Variants in ATF7 observed in about 807,000 individuals in gnomAD.
The protein encoded by ATF7 is cyclic AMP-dependent transcription factor ATF-7.
A neutral mutation model predicts 50.4 loss-of-function variants in ATF7; 10 were observed. That is an observed-to-expected ratio of 0.20 (90% confidence interval 0.12 to 0.34). The LOEUF (loss-of-function observed/expected upper bound fraction) is 0.34, where lower values mean the gene tolerates loss of function less well. ATF7 is among the 10% of genes least tolerant of loss of function. The probability of loss-of-function intolerance (pLI) is 1.00; values close to 1 mark genes in which losing one functional copy is unlikely to be tolerated. For synonymous variants in ATF7, 201 were observed against 226.4 expected, an observed-to-expected ratio of 0.89 and a Z score of 1.01; for missense variants, 465 against 613.9, an observed-to-expected ratio of 0.76 and a Z score of 2.56.
At chr12:53,625,935 C>A (rs1944587288) in intron 1 of ATF7, 1 of 152,344 alleles carries the variant, frequency 6.6e-6, no homozygotes, top group Non-Finnish European at 1.5e-5. Flanking sequence ...GCCCTGTGCC[C>A]CCCGGGGCTA....
At chr12:53,517,753 A>ATGTG in intron 11 of ATF7, 1 of 189,720 alleles carries the variant, frequency 5.3e-6, no homozygotes, top group Non-Finnish European at 1.1e-5. Flanking sequence ...GATTATAGGC[A>ATGTG]TGAGCCACTG....
At chr12:53,605,070 A>G (rs745844561) in intron 1 of ATF7, among the ~76,000 whole-genome samples, 12 of 152,188 alleles carry the variant, frequency 7.9e-5, no homozygotes, top group Non-Finnish European at 1.6e-4. Flanking sequence ...ATTATAAAAA[A>G]GAGGAGTTAA....
At chr12:53,559,010 A>G (rs1352652188) in intron 2 of ATF7, among the ~76,000 whole-genome samples, 1 of 151,992 alleles carries the variant, frequency 6.6e-6, no homozygotes, top group African/African-American at 2.4e-5. Flanking sequence ...GGCTGGGCGC[A>G]GTGGCTCACA....
At chr12:53,579,135 T>G (rs914137840) in intron 2 of ATF7, among the ~76,000 whole-genome samples, 1 of 151,942 alleles carries the variant, frequency 6.6e-6, no homozygotes, top group South Asian at 2.1e-4. Flanking sequence ...TCCCTGCTAC[T>G]TGGGAGGCTG....
intron 4 of ATF7, among the ~76,000 whole-genome samples, chr12:53,541,030 C>T (rs1423685896): frequency 6.6e-6 from 1 of 152,146 alleles, no homozygotes; most frequent in African/African-American, 2.4e-5. Flanking sequence ...AGGCCTCGCG[C>T]AGCCCTCTTT....
chr12:53,521,252 A>G (rs1938109715), intron 11 of ATF7, among the ~76,000 whole-genome samples: 3 of 152,200 alleles, frequency 2.0e-5, no homozygotes, highest in Admixed American at 6.5e-5. Context: ...TTGGCCTCCC[A>G]AAGTGCTGGG....
intron 7 of ATF7, 52 bp downstream of exon 7, chr12:53,533,108 A>AG: frequency 2.0e-6 from 3 of 1,464,656 alleles, no homozygotes. Context: ...TTCAGGTGGA[A>AG]GGGAAGGATT....
intron 2 of ATF7, among the ~76,000 whole-genome samples, chr12:53,587,859 C>CT (rs1942787795): frequency 1.8e-5 from 1 of 55,984 alleles, no homozygotes; most frequent in Admixed American, 1.9e-4. Flanking sequence ...TTTTTTTTTT[C>CT]TTTTTGACAC....
Position 53,579,506 on chromosome 12 carries a change from C to T in ATF7, c.48+21447G>A, listed in dbSNP as rs569199564. Among the ~76,000 whole-genome samples, 65 of 143,660 alleles carry T rather than the reference C, an allele frequency of 4.5e-4. 1 individual carries two copies. The highest frequency in any genetic ancestry group is 1.6e-3 in the African/African-American group (61 of 38,178). The allele number at this position is 143,660 out of a possible 152,430, so 94.2% of individuals were successfully genotyped here. On this transcript the variant is annotated intron_variant, in intron 2 of 11. Coordinates refer to ENST00000420353, the MANE Select transcript of ATF7 (RefSeq NM_006856.3). ...GGCAGAGGCTGCTGTGAGCTGAGAT[C>T]GTGCCACTGCACTCCACCCTGGGAG...
intron 2 of ATF7, among the ~76,000 whole-genome samples, chr12:53,562,514 G>A (rs1190489742): frequency 5.9e-5 from 9 of 151,970 alleles, no homozygotes; most frequent in African/African-American, 2.2e-4. Context: ...GTGGTGGTAC[G>A]CACCTGTAAT....
chr12:53,532,691 C>G (rs952205420), intron 7 of ATF7, 68 bp from the exon 8 acceptor site: 8 of 1,218,640 alleles, frequency 6.6e-6, no homozygotes, highest in South Asian at 1.4e-5. Flanking sequence ...GCAACAGTTT[C>G]CCTAAAATGA....
At chr12:53,518,116 TG>T (rs1937843441) in intron 11 of ATF7, among the ~76,000 whole-genome samples, 1 of 152,204 alleles carries the variant, frequency 6.6e-6, no homozygotes, top group African/African-American at 2.4e-5. Flanking sequence ...TGGCCTGCCT[TG>T]GCCTCCCAAA....
intron 3 of ATF7, among the ~76,000 whole-genome samples, chr12:53,545,588 G>A (rs1452486009): frequency 2.0e-5 from 3 of 152,038 alleles, no homozygotes; most frequent in African/African-American, 2.4e-5. Flanking sequence ...TGCTCTCCTC[G>A]GCCTCCCAAA....
intron 2 of ATF7, among the ~76,000 whole-genome samples, chr12:53,570,722 T>G (rs971005120): frequency 7.3e-6 from 1 of 137,840 alleles, no homozygotes; most frequent in African/African-American, 2.7e-5. Flanking sequence ...CTTCACATAG[T>G]GTTCTCCTGT....
rs145713867 is a variant in ATF7 at position 53,563,744 on chromosome 12, G to A, written c.49-11107C>T. Among the ~76,000 whole-genome samples, 24 of 152,364 alleles carry A rather than the reference G, an allele frequency of 1.6e-4. No homozygotes were observed. In the East Asian group the frequency reaches 4.4e-3, roughly 28 times the overall value. On this transcript the variant is annotated intron_variant, in intron 2 of 11. Coordinates refer to ENST00000420353, the MANE Select transcript of ATF7 (RefSeq NM_006856.3). ...AATAAATTATTGCTTCAGTGATTGG[G>A]TAAAGTTTTATATAGTGACATAAGA... is the stretch of plus-strand genomic sequence containing the variant.
chr12:53,524,441 G>T lies in ATF7; in HGVS notation c.1125+123C>A. On this transcript the variant is annotated intron_variant, in intron 10 of 11. Coordinates refer to ENST00000420353, the MANE Select transcript of ATF7 (RefSeq NM_006856.3). The surrounding 1 kb of genome is among the most constrained non-coding windows in gnomAD (Gnocchi z 4.6). ...TCTGACCGTTAAGAGATTCTTCATGGGACAACTAGATCTGTCCTAATTAGA... is the reference window on the plus strand; with the variant it reads ...TCTGACCGTTAAGAGATTCTTCATGTGACAACTAGATCTGTCCTAATTAGA... 1.8e-6 allele frequency: 2 copies of T among 1,112,266 alleles called. No homozygotes were observed. The highest frequency in any genetic ancestry group is 1.3e-6 in the Non-Finnish European group (1 of 787,264). The allele number at this position is 1,112,266 out of a possible 1,614,324, so 68.9% of individuals were successfully genotyped here.
intron 2 of ATF7, among the ~76,000 whole-genome samples, chr12:53,573,811 G>T (rs77329575): frequency 0.039 from 5,882 of 152,166 alleles, 217 homozygotes; most frequent in East Asian, 0.19. Context: ...CTGGGAGAAG[G>T]GTAATACCCA....
chr12:53,560,972 G>T (rs574614373), intron 2 of ATF7, among the ~76,000 whole-genome samples: 135 of 147,390 alleles, frequency 9.2e-4, no homozygotes, highest in African/African-American at 3.3e-3. Context: ...TTTACACAGG[G>T]TCTCACTCTG....
Position 53,514,772 on chromosome 12 carries a change from G to A in ATF7, c.*2365C>T, listed in dbSNP as rs1023379102. On this transcript the variant is annotated 3_prime_UTR_variant, in exon 12 of 12. Coordinates refer to ENST00000420353, the MANE Select transcript of ATF7 (RefSeq NM_006856.3). ...CACCCAACACAGGGACAGACTGGCA[G>A]GGCATGTATGCAGTTACAAATTAAT... 1.3e-5 allele frequency: 2 copies of A among 152,174 alleles called. No individual in the cohort carries two copies. The highest frequency in any genetic ancestry group is 2.9e-5 in the Non-Finnish European group (2 of 68,042). 9.4% of individuals were successfully genotyped at this position (152,174 alleles called of 1,614,324 possible).
Sources: allele counts gnomAD v4.1 joint callset (sites outside exome capture counted in the v4.1 genomes callset), GRCh38; gene constraint gnomAD v4.1.1; non-coding constraint Gnocchi (gnomAD v3.1); transcripts MANE v1.5; gene names NCBI Gene and HGNC (gene_info 2026-07-23, HGNC 2026-07-21).